The following SRGAP3 variants were observed in gnomAD, a reference collection of about 807,000 sequenced individuals.
SRGAP3 encodes the protein SLIT-ROBO Rho GTPase-activating protein 3.
SRGAP3 carries 39 observed loss-of-function variants against 121.1 expected under a neutral mutation model. That is an observed-to-expected ratio of 0.32 (90% CI 0.25 to 0.42). The LOEUF is 0.42. Among genes scored for constraint, SRGAP3 ranks in the 10% least tolerant of loss-of-function variants. The pLI is 1.00. For missense variants in SRGAP3, 1,213 were observed against 1,470.6 expected (o/e 0.82, Z 2.86); for synonymous variants, 601 against 570.0 (o/e 1.05, Z -0.77).
chr3:9,053,079 T>C lies in SRGAP3; in HGVS notation c.1271A>G (p.Asn424Ser). ...AASETYMSKINIAKRRANQQE... is the reference protein window; with the variant it reads ...AASETYMSKISIAKRRANQQE... ...CTGGTTGGCTCTCCTCTTGGCAATGTTGATCTTGCTCATGTAGGTCTCAGA... is the reference window on the plus strand; with the variant it reads ...CTGGTTGGCTCTCCTCTTGGCAATGCTGATCTTGCTCATGTAGGTCTCAGA... Residue 424 changes from asparagine (N) to serine (S), a missense_variant, in exon 9 of 22, where the codon AAC (asparagine) becomes AGC (serine). Coordinates refer to ENST00000383836, the MANE Select transcript of SRGAP3 (RefSeq NM_014850.4). 6.2e-7 allele frequency: 1 copy of C among 1,614,176 alleles called. No homozygotes were observed. Among genetic ancestry groups the C allele is most frequent in the Non-Finnish European group, 8.5e-7 (1 of 1,180,016 alleles).
At chr3:9,038,184 T>C in intron 10 of SRGAP3, 94 bp from the exon 11 acceptor site, 2 of 1,498,534 alleles carry the variant, frequency 1.3e-6, no homozygotes, top group Non-Finnish European at 1.8e-6. Flanking sequence ...CAATGAGTCT[T>C]AATTATTTAT....
intron 3 of SRGAP3, among the ~76,000 whole-genome samples, chr3:9,294,220 C>T (rs1363034778): frequency 6.6e-6 from 1 of 152,120 alleles, no homozygotes; most frequent in Non-Finnish European, 1.5e-5. Context: ...ATGTCCTTTG[C>T]AGGGACATGG....
intron 8 of SRGAP3, among the ~76,000 whole-genome samples, chr3:9,054,975 C>T (rs140781538): frequency 8.7e-4 from 133 of 152,298 alleles, no homozygotes; most frequent in Non-Finnish European, 1.5e-3. Flanking sequence ...GCTTCATTCT[C>T]CTTTCTTTGG....
intron 1 of SRGAP3, among the ~76,000 whole-genome samples, chr3:9,151,897 A>G (rs1324849587): frequency 2.6e-5 from 4 of 152,220 alleles, no homozygotes; most frequent in Non-Finnish European, 5.9e-5. Flanking sequence ...TTGGAAAGGA[A>G]CTGTCGAAGC....
chr3:9,203,137 C>T (rs371252185), intron 1 of SRGAP3, among the ~76,000 whole-genome samples: 87 of 152,168 alleles, frequency 5.7e-4, no homozygotes, highest in Admixed American at 2.3e-3. Context: ...TCTCGGGAAT[C>T]GGGTCTCATA....
chr3:9,148,676 G>A (rs766285349), intron 1 of SRGAP3, among the ~76,000 whole-genome samples: 3 of 152,126 alleles, frequency 2.0e-5, no homozygotes, highest in African/African-American at 7.2e-5. Flanking sequence ...AGCCTGGGAC[G>A]TGGGGCCTGG....
chr3:9,068,617 ACT>A (rs1369359442), intron 4 of SRGAP3, among the ~76,000 whole-genome samples: 1 of 151,872 alleles, frequency 6.6e-6, no homozygotes, highest in African/African-American at 2.4e-5. Flanking sequence ...CTCCAAAATG[ACT>A]CTATTTGTAC....
At chr3:9,311,511 C>G (rs926332426) in intron 3 of SRGAP3, among the ~76,000 whole-genome samples, 3 of 152,222 alleles carry the variant, frequency 2.0e-5, no homozygotes, top group Non-Finnish European at 2.9e-5. Flanking sequence ...CCACTCAGCT[C>G]TGCAGGTGCA....
At chr3:9,324,883 G>C (rs1296082274) in intron 3 of SRGAP3, among the ~76,000 whole-genome samples, 2 of 151,624 alleles carry the variant, frequency 1.3e-5, no homozygotes, top group Non-Finnish European at 2.9e-5. Flanking sequence ...CATGAACCCG[G>C]GAGGCGGAGC....
chr3:9,267,780 A>G (rs1212067962), intron 3 of SRGAP3, among the ~76,000 whole-genome samples: 1 of 152,160 alleles, frequency 6.6e-6, no homozygotes, highest in African/African-American at 2.4e-5. Context: ...ACAACAGCCA[A>G]GCTTCTGAGT....
chr3:9,058,405 T>C lies in SRGAP3; in HGVS notation c.869A>G (p.Asn290Ser). The C allele has an allele frequency of 6.2e-7, 1 of 1,614,168 alleles. No homozygotes were observed. The highest frequency in any genetic ancestry group is 8.5e-7 in the Non-Finnish European group (1 of 1,180,026). ...TFRTYLSAEY[N>S]LETSRHEGLD... ...CCCTTCGTGGCGAGAGGTCTCCAGG[T>C]TGTATTCAGCTGAGAGATAGGTCCG... Residue 290 changes from asparagine (N) to serine (S), a missense_variant, in exon 7 of 22, where the codon AAC becomes AGC. Physicochemically the swap from Asn to Ser is conservative, Grantham distance 46. Coordinates refer to ENST00000383836, the MANE Select transcript of SRGAP3 (RefSeq NM_014850.4).
rs1423013968 is a variant in SRGAP3 at position 9,239,704 on chromosome 3, A to C, written c.67+9181T>G. On this transcript the variant is annotated intron_variant, in intron 1 of 21. Transcript: ENST00000383836. This position sits in a 1 kb window ranked among gnomAD's most constrained non-coding sequence, Gnocchi z 4.0. ...AAATTACCATTTAAATCAATGGTTG[A>C]GCACTCTGTAATTGGAAATGTCAAA... Among the ~76,000 whole-genome samples, 2 of 152,232 alleles carry C rather than the reference A, an allele frequency of 1.3e-5. No individual in the cohort carries two copies. The highest frequency in any genetic ancestry group is 2.9e-5 in the Non-Finnish European group (2 of 68,042).
intron 3 of SRGAP3, among the ~76,000 whole-genome samples, chr3:9,293,903 C>A (rs1340262189): frequency 6.6e-6 from 1 of 152,124 alleles, no homozygotes; most frequent in African/African-American, 2.4e-5. Flanking sequence ...ATTAGCCCAA[C>A]CATTGTAGAA....
At chr3:9,159,004 C>T (rs1435086470) in intron 1 of SRGAP3, among the ~76,000 whole-genome samples, 2 of 152,172 alleles carry the variant, frequency 1.3e-5, no homozygotes, top group Admixed American at 1.3e-4. Flanking sequence ...TGCTCACATG[C>T]CTGAGATGGA....
Position 8,985,807 on chromosome 3 carries a change from G to C in SRGAP3, c.3012C>G (p.Pro1004=), listed in dbSNP as rs772708513. The C allele has an allele frequency of 1.2e-6, 2 of 1,600,272 alleles. No homozygotes were observed. The highest frequency in any genetic ancestry group is 1.7e-6 in the Non-Finnish European group (2 of 1,179,870). The change falls in exon 22 of 22, where the codon CCC becomes CCG. Residue 1004 remains proline, a synonymous_variant. Transcript: ENST00000383836. The surrounding 1 kb of genome is among the most constrained non-coding windows in gnomAD (Gnocchi z 5.1). ...GGGGACTGGCGGGCTCCGAGCTGAC[G>C]GGGCCTGGCGGGTTCTTCAGGGGCT... ...TLEPLKNPPG[P]VSSEPASPLH...
intron 4 of SRGAP3, among the ~76,000 whole-genome samples, chr3:9,067,139 C>T (rs767416519): frequency 9.9e-5 from 15 of 152,160 alleles, no homozygotes; most frequent in Non-Finnish European, 1.9e-4. Flanking sequence ...ATGCTACCAC[C>T]ACCACCACCA....
At chr3:9,184,823 C>T (rs906292670) in intron 1 of SRGAP3, among the ~76,000 whole-genome samples, 3 of 152,092 alleles carry the variant, frequency 2.0e-5, no homozygotes, top group African/African-American at 7.2e-5. Flanking sequence ...CTCCCTCCCC[C>T]AGCTCCAGAA....
At chr3:8,992,691 T>TTCC (rs375533290) in intron 20 of SRGAP3, 33 of 685,352 alleles carry the variant, frequency 4.8e-5, no homozygotes, top group African/African-American at 4.7e-4. Context: ...ACACATGTCT[T>TTCC]TCCTCCTCCT....
intron 1 of SRGAP3, among the ~76,000 whole-genome samples, chr3:9,185,396 G>T (rs1293337579): frequency 6.6e-6 from 1 of 152,180 alleles, no homozygotes; most frequent in African/African-American, 2.4e-5. Flanking sequence ...GTCAAAGAGG[G>T]GTTTCAGAGG....
Sources: allele counts gnomAD v4.1 joint callset (sites outside exome capture counted in the v4.1 genomes callset), GRCh38; gene constraint gnomAD v4.1.1; non-coding constraint Gnocchi (gnomAD v3.1); transcripts MANE v1.5; gene names NCBI Gene and HGNC (gene_info 2026-07-23, HGNC 2026-07-21).